CACNA1G: variants seen among roughly 807,000 people sequenced by gnomAD.
CACNA1G encodes the protein voltage-dependent T-type calcium channel subunit alpha-1G.
In CACNA1G, 67 loss-of-function variants were observed where a neutral mutation model predicts 219.4. The observed-to-expected ratio is 0.31, with a 90% CI of 0.25 to 0.37. The LOEUF is 0.37. CACNA1G is among the 10% of genes least tolerant of loss of function. CACNA1G has a pLI of 1.00. For synonymous variants in CACNA1G, 1,296 were observed against 1,345.3 expected (o/e 0.96, Z 0.80); for missense variants, 2,380 against 3,231.4 (o/e 0.74, Z 6.39).
chr17:50,604,083 GA>G, intron 21 of CACNA1G, 71 bp from the exon 22 acceptor site: 1 of 1,500,242 alleles, frequency 6.7e-7, no homozygotes, highest in South Asian at 1.3e-5. Flanking sequence ...TGGGGGTGGG[GA>G]GCAGGGTCAA....
chr17:50,617,751 C>A lies in CACNA1G; in HGVS notation c.5156-108C>A. The A allele has an allele frequency of 6.9e-7, 1 of 1,440,494 alleles. No homozygotes were observed. The highest frequency in any genetic ancestry group is 1.2e-5 in the South Asian group (1 of 82,508). 89.2% of individuals were successfully genotyped at this position (1,440,494 alleles called of 1,614,324 possible). On this transcript the variant is annotated intron_variant, in intron 29 of 37. Transcript: ENST00000359106. This position sits in a 1 kb window ranked among gnomAD's most constrained non-coding sequence, Gnocchi z 5.8. ...AGGATGGGGATGCAACCTGGCTGGC[C>A]CGGAGATGGCCATCCCAGCAGCCCC...
chr17:50,581,267 G>C (rs2041900708), intron 9 of CACNA1G, among the ~76,000 whole-genome samples: 1 of 151,866 alleles, frequency 6.6e-6, no homozygotes, highest in Admixed American at 6.6e-5. Context: ...AGATGCAAAT[G>C]AGGGCAGAGA....
chr17:50,572,436 G>C (rs2039665710), intron 5 of CACNA1G, 118 bp from the exon 6 acceptor site: 1 of 839,956 alleles, frequency 1.2e-6, no homozygotes, highest in Non-Finnish European at 1.8e-6. Context: ...CCCCATTCTT[G>C]GTTCTGCCCT....
At position 50,580,332 on chromosome 17, in the gene CACNA1G, C is replaced by G. The variant is rs557946136; in HGVS notation, c.2301+1768C>G. ...TGACAGCCCCTAACCTCCCATTACT[C>G]AGGCTCCCTGAACCTCAGCCTCCTT... On this transcript the variant is annotated intron_variant, in intron 9 of 37. Transcript: ENST00000359106. Among the ~76,000 whole-genome samples the G allele has an allele frequency of 2.6e-5, 4 of 152,218 alleles. No homozygotes were observed. The East Asian group carries it at 5.8e-4, about 22-fold the overall frequency.
At position 50,624,446 on chromosome 17, in the gene CACNA1G, C is replaced by T. The variant is rs1286531934; in HGVS notation, c.6316C>T (p.His2106Tyr). 6.2e-6 allele frequency: 10 copies of T among 1,600,448 alleles called. No homozygotes were observed. The highest frequency in any genetic ancestry group is 8.5e-6 in the Non-Finnish European group (10 of 1,174,196). ...PKDAPHLLQPHSAPTWGTIPK... is the reference protein window; with the variant it reads ...PKDAPHLLQPYSAPTWGTIPK... ...AGATGCACCTCATCTGCTCCAGCCCCACAGCGCCCCAACCTGGGGCACCAT... is the reference window on the plus strand; with the variant it reads ...AGATGCACCTCATCTGCTCCAGCCCTACAGCGCCCCAACCTGGGGCACCAT... Residue 2106 changes from histidine (H) to tyrosine (Y), a missense_variant, in exon 37 of 38, where the codon CAC (histidine) becomes TAC (tyrosine). By Grantham distance (83) the His-to-Tyr change is moderately conservative. Around this residue, in one of 17 missense-constraint regions of CACNA1G, gnomAD observed 672 missense variants for 670.5 expected, o/e 1.00. Transcript: ENST00000359106.
At position 50,621,098 on chromosome 17, in the gene CACNA1G, C is replaced by T. The variant is rs942260528; in HGVS notation, c.5926-562C>T. The stretch of plus-strand genomic sequence containing the variant: ...CTGCAGGCAGGCGGAGGAGGGCCCA[C>T]GAGGGGAGAAGCCAGAATCTGGGGG... On this transcript the variant is annotated intron_variant, in intron 34 of 37. Coordinates refer to ENST00000359106, the MANE Select transcript of CACNA1G (RefSeq NM_018896.5). This position sits in a 1 kb window ranked among gnomAD's most constrained non-coding sequence, Gnocchi z 4.6. Among the ~76,000 whole-genome samples the T allele has an allele frequency of 3.3e-5, 5 of 152,110 alleles. No homozygotes were observed. The highest frequency in any genetic ancestry group is 7.2e-5 in the African/African-American group (3 of 41,412).
intron 26 of CACNA1G, among the ~76,000 whole-genome samples, chr17:50,611,178 C>A (rs1233268167): frequency 6.6e-6 from 1 of 151,500 alleles, no homozygotes; most frequent in Non-Finnish European, 1.5e-5. Flanking sequence ...CGCTTCAACC[C>A]GGGAGGCGGA....
Position 50,599,895 on chromosome 17 carries a change from T to C in CACNA1G, c.3690+36T>C, listed in dbSNP as rs750513189. ...TGTGGGCACAGTGACCCCTCACCCCTGACCTTGAAAGAGGGGAGGTGTGCC... is the reference window on the plus strand; with the variant it reads ...TGTGGGCACAGTGACCCCTCACCCCCGACCTTGAAAGAGGGGAGGTGTGCC... On this transcript the variant is annotated intron_variant, in intron 17 of 37. Transcript: ENST00000359106. The C allele has an allele frequency of 1.4e-5, 22 of 1,581,392 alleles. No homozygotes were observed. In the Admixed American group the frequency reaches 3.7e-4, roughly 27 times the overall value.
Position 50,626,841 on chromosome 17 carries a change from A to G in CACNA1G, c.*90A>G, listed in dbSNP as rs2053901101. 3 of 1,550,460 alleles carry G rather than the reference A, an allele frequency of 1.9e-6. No individual in the cohort carries two copies. Among genetic ancestry groups the G allele is most frequent in the East Asian group, 2.2e-5 (1 of 44,574 alleles). ...GCTATATTCCTGACAAAAGTTCCAT[A>G]TAGACACCAAGGAGGCGGAGGCGCT... is the stretch of plus-strand genomic sequence containing the variant. On this transcript the variant is annotated 3_prime_UTR_variant, in exon 38 of 38. Transcript: ENST00000359106. This position sits in a 1 kb window ranked among gnomAD's most constrained non-coding sequence, Gnocchi z 4.3.
chr17:50,591,380 A>T, intron 10 of CACNA1G, 55 bp from the exon 11 acceptor site: 1 of 1,441,948 alleles, frequency 6.9e-7, no homozygotes, highest in Non-Finnish European at 9.2e-7. Flanking sequence ...TCTCCGAGGG[A>T]GTAGGGGGAG....
intron 1 of CACNA1G, among the ~76,000 whole-genome samples, chr17:50,566,575 CAA>C (rs918702433): frequency 1.1e-3 from 168 of 152,306 alleles, no homozygotes; most frequent in African/African-American, 3.8e-3. Flanking sequence ...GAAAGAGGGG[CAA>C]CTCCTCTGTG....
Position 50,618,530 on chromosome 17 carries a change from A to G in CACNA1G, c.5428-125A>G. On this transcript the variant is annotated intron_variant, in intron 32 of 37. Transcript: ENST00000359106. The surrounding 1 kb of genome is among the most constrained non-coding windows in gnomAD (Gnocchi z 5.3). Reference sequence around the variant, plus strand: ...CACTTGTAGTGCTCCTCTGCCCCCAAACACTCCCTCCTCCTCCCCTTCCTT... The same window carrying G: ...CACTTGTAGTGCTCCTCTGCCCCCAGACACTCCCTCCTCCTCCCCTTCCTT... 3.8e-6 allele frequency: 4 copies of G among 1,043,916 alleles called. No individual in the cohort carries two copies. Among genetic ancestry groups the G allele is most frequent in the South Asian group, 3.0e-5 (2 of 67,248 alleles). 64.7% of individuals were successfully genotyped at this position (1,043,916 alleles called of 1,614,324 possible). A position where few individuals can be genotyped will look rare whatever the true frequency, so the allele number is the denominator to read the frequency against.
At chr17:50,594,923 A>G (rs1474491493) in intron 13 of CACNA1G, 70 bp from the exon 14 acceptor site, 4 of 1,186,480 alleles carry the variant, frequency 3.4e-6, no homozygotes, top group Non-Finnish European at 4.9e-6. Context: ...CTCTCTCGAC[A>G]CTGCCGATAT....
Position 50,596,528 on chromosome 17 carries a change from G to T in CACNA1G, c.2980-34G>T, listed in dbSNP as rs757241420. On this transcript the variant is annotated intron_variant, in intron 14 of 37. Transcript: ENST00000359106. The surrounding 1 kb of genome is among the most constrained non-coding windows in gnomAD (Gnocchi z 4.8). ...CCATCCCAACCACCCAAGCCTGGCC[G>T]GATCCCTAATGGTCCGCTGCTCCCC... 6.3e-7 allele frequency: 1 copy of T among 1,588,164 alleles called. No homozygotes were observed.
At chr17:50,587,357 G>A (rs762505394) in intron 9 of CACNA1G, among the ~76,000 whole-genome samples, 55 of 152,252 alleles carry the variant, frequency 3.6e-4, no homozygotes, top group Non-Finnish European at 6.6e-4. Context: ...GAAATCCCAC[G>A]AGGAGGTCTT....
chr17:50,569,443 C>G (rs1299588351), intron 3 of CACNA1G, 145 bp downstream of exon 3: 1 of 879,258 alleles, frequency 1.1e-6, no homozygotes, highest in Non-Finnish European at 1.8e-6. Context: ...CTGAGGCTGC[C>G]CTGCCTCTAG....
At position 50,618,699 on chromosome 17, in the gene CACNA1G, G is replaced by T; in HGVS notation, c.5472G>T (p.Thr1824=). ...ACCAGGAGTCCACCTGCTACAACAC[G>T]GTCATCTCGCCTATCTACTTTGTGT... ...DCDQESTCYN[T]VISPIYFVSF... The change falls in exon 33 of 38, where the codon ACG becomes ACT. Residue 1824 remains threonine (T), a synonymous_variant. Coordinates refer to ENST00000359106, the MANE Select transcript of CACNA1G (RefSeq NM_018896.5). The surrounding 1 kb of genome is among the most constrained non-coding windows in gnomAD (Gnocchi z 5.3). 6.2e-7 allele frequency: 1 copy of T among 1,613,904 alleles called. No homozygotes were observed.
chr17:50,582,143 A>C (rs2042088418), intron 9 of CACNA1G, among the ~76,000 whole-genome samples: 3 of 152,168 alleles, frequency 2.0e-5, no homozygotes, highest in Non-Finnish European at 4.4e-5. Context: ...GGTCATATTT[A>C]CTTGATGTGG....
intron 26 of CACNA1G, 84 bp downstream of exon 26, chr17:50,610,019 G>A (rs2048872102): frequency 2.2e-6 from 3 of 1,374,766 alleles, no homozygotes; most frequent in African/African-American, 1.4e-5. Flanking sequence ...TATCCTCTTG[G>A]GGTGAAAGGG....
Sources: gnomAD v4.1 joint callset for allele counts (sites outside exome capture counted in the v4.1 genomes callset) on GRCh38, gnomAD v4.1.1 for gene constraint, gnomAD v4.1.1 regional missense constraint, Gnocchi (gnomAD v3.1) non-coding constraint, MANE v1.5 for transcripts, NCBI Gene and HGNC (gene_info 2026-07-23, HGNC 2026-07-21) for gene names.